Variants in SCML2 observed in about 807,000 individuals in gnomAD.
SCML2 encodes Scm polycomb group protein like 2, also known as sex comb on midleg-like protein 2.
A neutral mutation model predicts 48.4 loss-of-function variants in SCML2; 6 were observed. The ratio of observed to expected loss-of-function variants is 0.12; its 90% CI spans 0.07 to 0.24. The LOEUF (loss-of-function observed/expected upper bound fraction) is 0.24, where lower values mean the gene tolerates loss of function less well. Ranked by LOEUF, SCML2 falls within the 10% of genes least tolerant of loss-of-function variation. The pLI is 1.00. For missense variants in SCML2, 377 were observed against 528.2 expected (o/e 0.71, Z 2.81); for synonymous variants, 181 against 189.5 (o/e 0.95, Z 0.37).
intron 1 of SCML2, among the ~76,000 whole-genome samples, 179 bp downstream of exon 1, chrX:18,354,413 G>A (rs1254889047): frequency 8.9e-6 from 1 of 111,794 alleles, no homozygotes; most frequent in Non-Finnish European, 1.9e-5. Context: ...AAGGCGCCGG[G>A]GGCGGGATAC....
rs180974344 is a variant in SCML2, at chrX:18,253,347, A to G, written c.1456+3501T>C. ...AATCTGGAGCTTCTGCAGATCTTTT[A>G]TATACAATGTCCCATATACAAAAAA... On this transcript the variant is annotated intron_variant, in intron 11 of 14. Transcript: ENST00000251900. 2.7e-5 allele frequency among the ~76,000 whole-genome samples: 3 copies of G among 111,815 alleles called. No individual in the cohort carries two copies. In the East Asian group the frequency reaches 8.4e-4, roughly 31 times the overall value.
intron 7 of SCML2, among the ~76,000 whole-genome samples, chrX:18,268,766 AT>A (rs1365566313): frequency 1.9e-3 from 212 of 109,855 alleles, no homozygotes; most frequent in African/African-American, 6.8e-3. Context: ...TTAAAGTATA[AT>A]AATAAAAAAA....
intron 7 of SCML2, among the ~76,000 whole-genome samples, chrX:18,278,509 A>T (rs1927721759): frequency 8.9e-6 from 1 of 112,028 alleles, no homozygotes; most frequent in Admixed American, 9.4e-5. Flanking sequence ...TGCAGAGCCC[A>T]GGAGGTTTTA....
intron 7 of SCML2, among the ~76,000 whole-genome samples, chrX:18,266,082 C>A (rs1927250126): frequency 9.0e-6 from 1 of 111,113 alleles, no homozygotes. Context: ...AGCAACTTAC[C>A]TATTAGGAAC....
At chrX:18,328,156 G>A (rs1292292883) in intron 3 of SCML2, among the ~76,000 whole-genome samples, 1 of 110,917 alleles carries the variant, frequency 9.0e-6, no homozygotes, top group Non-Finnish European at 1.9e-5. Context: ...ACATCTTTTT[G>A]TACTGAATAT....
chrX:18,242,375 AG>A, intron 14 of SCML2, 63 bp downstream of exon 14: 1 of 1,067,117 alleles, frequency 9.4e-7, no homozygotes, highest in South Asian at 2.6e-5. Context: ...ATCCAAATGA[AG>A]GGCCTGCACA....
rs184144477 is a variant in SCML2, at chrX:18,263,666, A to G, written c.948+1919T>C. The stretch of plus-strand genomic sequence containing the variant: ...ATAAATAAGAATAAACGAGAGTATA[A>G]ATTATATGAAGAAAACTATTGAATT... On this transcript the variant is annotated intron_variant, in intron 8 of 14. Transcript: ENST00000251900. Among the ~76,000 whole-genome samples, 5 of 112,038 alleles carry G rather than the reference A, an allele frequency of 4.5e-5. No homozygotes were observed. In the East Asian group the frequency reaches 1.4e-3, roughly 31 times the overall value.
rs1416516001 is a variant in SCML2, at chrX:18,264,321, G to T, written c.948+1264C>A. Reference sequence around the variant, plus strand: ...TCTCCAGTCAATTCTGGTTAATTTTGTCCAGTGAATCTTTTACTTCAGATA... The same window carrying T: ...TCTCCAGTCAATTCTGGTTAATTTTTTCCAGTGAATCTTTTACTTCAGATA... On this transcript the variant is annotated intron_variant, in intron 8 of 14. Coordinates refer to ENST00000251900, the MANE Select transcript of SCML2 (RefSeq NM_006089.3). Among the ~76,000 whole-genome samples, 3 of 110,322 alleles carry T rather than the reference G, an allele frequency of 2.7e-5. No homozygotes were observed. In the East Asian group the frequency reaches 8.6e-4, roughly 32 times the overall value.
chrX:18,346,681 C>T (rs1323665377), intron 1 of SCML2, among the ~76,000 whole-genome samples: 1 of 112,191 alleles, frequency 8.9e-6, no homozygotes, highest in Non-Finnish European at 1.9e-5. Flanking sequence ...CAAACAAAAA[C>T]GCTGTCCTTT....
chrX:18,310,493 T>C (rs1398009312), intron 6 of SCML2, among the ~76,000 whole-genome samples: 1 of 110,859 alleles, frequency 9.0e-6, no homozygotes, highest in Non-Finnish European at 1.9e-5. Flanking sequence ...CTCGAACTCC[T>C]GACCTCAGGT....
chrX:18,249,388 T>C (rs921296600), intron 11 of SCML2, among the ~76,000 whole-genome samples: 5 of 111,456 alleles, frequency 4.5e-5, no homozygotes, highest in Non-Finnish European at 9.4e-5. Context: ...CACAATGGGT[T>C]TGGAGCTCTC....
chrX:18,336,299 C>T (rs1307500567), intron 1 of SCML2, among the ~76,000 whole-genome samples: 1 of 108,084 alleles, frequency 9.3e-6, no homozygotes, highest in Non-Finnish European at 1.9e-5. Flanking sequence ...ATTAGCTGGG[C>T]GTGGTGGCAT....
In SCML2 at chrX:18,239,535, C is replaced by A. The variant is rs1926193672; in HGVS notation, c.*1716G>T. On this transcript the variant is annotated 3_prime_UTR_variant, in exon 15 of 15. Coordinates refer to ENST00000251900, the MANE Select transcript of SCML2 (RefSeq NM_006089.3). ...TCATGTCTAAAGTACATTTGGTTTT[C>A]TAAAAAGAAAATGTACATTCTTGCC... is the stretch of plus-strand genomic sequence containing the variant. 1 of 112,178 alleles carries A rather than the reference C, an allele frequency of 8.9e-6. No homozygotes were observed. Among genetic ancestry groups the A allele is most frequent in the Non-Finnish European group, 1.9e-5 (1 of 53,195 alleles). The allele number at this position is 112,178 out of a possible 1,213,427, so 9.2% of individuals were successfully genotyped here. A position where few individuals can be genotyped will look rare whatever the true frequency, so the allele number is the denominator to read the frequency against.
intron 1 of SCML2, 57 bp downstream of exon 1, chrX:18,354,535 G>C: frequency 4.0e-6 from 1 of 247,228 alleles, no homozygotes; most frequent in Non-Finnish European, 7.3e-6. Context: ...CAACGGTCGG[G>C]GTCCGGGACA....
In SCML2 at chrX:18,240,158, AGCT is replaced by A; in HGVS notation, c.*1090_*1092del. On this transcript the variant is annotated 3_prime_UTR_variant, in exon 15 of 15. Transcript: ENST00000251900. ...ATTGTTTCATATCCCCTGAAGAGTA[AGCT>A]GAGAGGTACTGGTGATAGCAAACGA... 8.9e-6 allele frequency: 1 copy of A among 112,067 alleles called. No individual in the cohort carries two copies. Among genetic ancestry groups the A allele is most frequent in the Non-Finnish European group, 1.9e-5 (1 of 53,262 alleles). The allele number at this position is 112,067 out of a possible 1,213,427, so 9.2% of individuals were successfully genotyped here.
In SCML2 at chrX:18,336,805, C is replaced by T. The variant is rs563862819; in HGVS notation, c.-24-2710G>A. ...TGTTACTTAAAAGCAGACTTAGATTCGTTGTAAATGTATATCGCAAATTTT... is the reference window on the plus strand; with the variant it reads ...TGTTACTTAAAAGCAGACTTAGATTTGTTGTAAATGTATATCGCAAATTTT... On this transcript the variant is annotated intron_variant, in intron 1 of 14. Transcript: ENST00000251900. Among the ~76,000 whole-genome samples the T allele has an allele frequency of 5.4e-5, 6 of 110,178 alleles. No individual in the cohort carries two copies. In the South Asian group the frequency reaches 2.3e-3, roughly 42 times the overall value.
At chrX:18,315,101 CAAAAAAAA>C (rs761378739) in intron 6 of SCML2, among the ~76,000 whole-genome samples, 13 of 23,443 alleles carry the variant, frequency 5.5e-4, no homozygotes, top group African/African-American at 1.8e-3. Context: ...TCTGTCTCAC[CAAAAAAAA>C]AAAAAAAAAA....
intron 4 of SCML2, among the ~76,000 whole-genome samples, chrX:18,324,387 C>A (rs1167658532): frequency 8.9e-6 from 1 of 111,752 alleles, no homozygotes; most frequent in Non-Finnish European, 1.9e-5. Flanking sequence ...TCTGATTAGA[C>A]CATTCCCCTT....
At chrX:18,251,309 C>CA (rs750658948) in intron 11 of SCML2, among the ~76,000 whole-genome samples, 522 of 6,749 alleles carry the variant, frequency 0.077, 149 homozygotes, top group African/African-American at 0.16. Context: ...GATTCCATTG[C>CA]AAAAAAAAAA....
Sources: gnomAD v4.1 joint callset for allele counts (sites outside exome capture counted in the v4.1 genomes callset) on GRCh38, gnomAD v4.1.1 for gene constraint, MANE v1.5 for transcripts, NCBI Gene and HGNC (gene_info 2026-07-23, HGNC 2026-07-21) for gene names.